The following C3orf18 variants were observed in gnomAD, a reference collection of about 807,000 sequenced individuals.
C3orf18 encodes chromosome 3 open reading frame 18, also known as uncharacterized protein C3orf18.
C3orf18 carries 12 observed loss-of-function variants against 14.1 expected under a neutral mutation model. That is an observed-to-expected ratio of 0.85 (90% CI 0.55 to 1.38). C3orf18 has a LOEUF of 1.38. Among genes scored for constraint, C3orf18 ranks in the 40% most tolerant of loss-of-function variants. C3orf18 has a pLI of 0.00. For synonymous variants in C3orf18, 82 were observed against 87.9 expected (o/e 0.93, Z 0.38); for missense variants, 196 against 213.9 (o/e 0.92, Z 0.52).
upstream of C3orf18, chr3:50,571,370 G>A: frequency 1.4e-6 from 2 of 1,457,038 alleles, no homozygotes; most frequent in South Asian, 2.6e-5. Flanking sequence ...GGAAGAGGGA[G>A]GAGGGAGGAC....
chr3:50,562,597 T>C (rs780029091), intron 3 of C3orf18: 2 of 455,504 alleles, frequency 4.4e-6, no homozygotes, highest in South Asian at 3.1e-5. Flanking sequence ...CTCTACAACA[T>C]GTAAAAAGAA....
At position 50,565,350 on chromosome 3, in the gene C3orf18, G is replaced by C. The variant is rs1700226239; in HGVS notation, c.234+116C>G. Reference sequence around the variant, plus strand: ...CCATTGCACTCCAGCCTGCATGACAGAGCAAGACTCTGTCTCAAAAACAAC... The same window carrying C: ...CCATTGCACTCCAGCCTGCATGACACAGCAAGACTCTGTCTCAAAAACAAC... On this transcript the variant is annotated intron_variant, in intron 3 of 5. Transcript: ENST00000357203. The surrounding 1 kb of genome is among the most constrained non-coding windows in gnomAD (Gnocchi z 4.4). 2.6e-5 allele frequency: 21 copies of C among 822,868 alleles called. No individual in the cohort carries two copies. The East Asian group carries it at 5.6e-4, about 22-fold the overall frequency. The allele number at this position is 822,868 out of a possible 1,614,324, so 51.0% of individuals were successfully genotyped here. A position where few individuals can be genotyped will look rare whatever the true frequency, so the allele number is the denominator to read the frequency against.
upstream of C3orf18, among the ~76,000 whole-genome samples, chr3:50,573,590 G>C (rs1378877812): frequency 2.0e-5 from 3 of 152,074 alleles, no homozygotes; most frequent in African/African-American, 7.2e-5. Flanking sequence ...TGCAAGGGGT[G>C]GGGTGAGGGG....
At chr3:50,574,371 G>A (rs1398977211), upstream of C3orf18, among the ~76,000 whole-genome samples, 1 of 152,212 alleles carries the variant, frequency 6.6e-6, no homozygotes, top group Non-Finnish European at 1.5e-5. Flanking sequence ...ACCAAGATGA[G>A]TTTCCGGTGC....
intron 4 of C3orf18, 66 bp from the exon 5 acceptor site, chr3:50,561,130 C>G (rs1475755501): frequency 1.9e-6 from 3 of 1,541,652 alleles, no homozygotes; most frequent in African/African-American, 2.7e-5. Context: ...GCCCTCCAGG[C>G]CCTGCCTCCT....
At position 50,559,107 on chromosome 3, in the gene C3orf18, TCTC is replaced by T. The variant is rs1699819028; in HGVS notation, c.*547_*549del. 2 of 1,289,778 alleles carry T rather than the reference TCTC, an allele frequency of 1.6e-6. No individual in the cohort carries two copies. Among genetic ancestry groups the T allele is most frequent in the South Asian group, 1.2e-5 (1 of 81,028 alleles). The allele number at this position is 1,289,778 out of a possible 1,614,324, so 79.9% of individuals were successfully genotyped here. ...ATGGACCCTGGGTGTGAATTGCCCT[TCTC>T]CTGGCATCCTTGCATACTGGACAGT... On this transcript the variant is annotated 3_prime_UTR_variant, in exon 6 of 6. Coordinates refer to ENST00000357203, the MANE Select transcript of C3orf18 (RefSeq NM_016210.5).
chr3:50,564,800 C>T (rs116027252), intron 3 of C3orf18, among the ~76,000 whole-genome samples: 319 of 152,290 alleles, frequency 2.1e-3, no homozygotes, highest in Non-Finnish European at 3.9e-3. Flanking sequence ...TCCACATCAA[C>T]CACCTTTAAG....
At chr3:50,566,624 A>T (rs1700317460) in intron 1 of C3orf18, among the ~76,000 whole-genome samples, 1 of 151,642 alleles carries the variant, frequency 6.6e-6, no homozygotes, top group African/African-American at 2.4e-5. Flanking sequence ...GTGGAGGCTG[A>T]TGTGGAAAGA....
chr3:50,573,652 G>T (rs994301294), upstream of C3orf18, among the ~76,000 whole-genome samples: 2 of 152,228 alleles, frequency 1.3e-5, no homozygotes, highest in African/African-American at 4.8e-5. Flanking sequence ...AGACATTTCT[G>T]AGAACTCACC....
upstream of C3orf18, among the ~76,000 whole-genome samples, chr3:50,573,436 T>A (rs542351431): frequency 4.6e-5 from 7 of 152,276 alleles, no homozygotes; most frequent in South Asian, 1.5e-3. Flanking sequence ...CTTCCCAGGG[T>A]CAGGGCATGG....
In C3orf18 at chr3:50,558,955, G is replaced by C. The variant is rs773396261; in HGVS notation, c.*702C>G. On this transcript the variant is annotated 3_prime_UTR_variant, in exon 6 of 6. Coordinates refer to ENST00000357203, the MANE Select transcript of C3orf18 (RefSeq NM_016210.5). ...TGAGGCCTCTCGGCAGGTCTGGGGG[G>C]GCTGCATCCTTCCACTTCCATTCCC... 1.4e-5 allele frequency: 18 copies of C among 1,287,376 alleles called. No individual in the cohort carries two copies. In the East Asian group the frequency reaches 4.4e-4, roughly 32 times the overall value. The allele number at this position is 1,287,376 out of a possible 1,614,324, so 79.7% of individuals were successfully genotyped here.
intron 3 of C3orf18, 122 bp from the exon 4 acceptor site, chr3:50,561,869 G>T: frequency 1.1e-6 from 1 of 919,542 alleles, no homozygotes; most frequent in East Asian, 2.4e-5. Flanking sequence ...CCGTCCTAAT[G>T]ACACATACAC....
At chr3:50,564,807 T>C (rs1700187868) in intron 3 of C3orf18, among the ~76,000 whole-genome samples, 2 of 152,172 alleles carry the variant, frequency 1.3e-5, no homozygotes, top group Non-Finnish European at 2.9e-5. Context: ...CAACCACCTT[T>C]AAGCCTTTTC....
chr3:50,572,111 GCA>G, upstream of C3orf18: 1 of 1,613,908 alleles, frequency 6.2e-7, no homozygotes. Flanking sequence ...TGCCCCCTCT[GCA>G]GGATGCCGGT....
At chr3:50,570,993 C>T (rs997907535), upstream of C3orf18, 2 of 756,918 alleles carry the variant, frequency 2.6e-6, no homozygotes, top group African/African-American at 1.8e-5. Flanking sequence ...TGTGACCTCT[C>T]CATCTCCACC....
chr3:50,569,412 A>C (rs1181330087), upstream of C3orf18: 1 of 152,356 alleles, frequency 6.6e-6, no homozygotes, highest in Admixed American at 6.5e-5. Flanking sequence ...CAGCGATAGG[A>C]ACACTGAAGC....
upstream of C3orf18, among the ~76,000 whole-genome samples, chr3:50,573,264 C>G (rs901136966): frequency 2.0e-5 from 3 of 152,294 alleles, no homozygotes; most frequent in South Asian, 6.2e-4. Flanking sequence ...CTCAGAGCCC[C>G]ATCCCTCACA....
chr3:50,572,523 C>T (rs1174946209), upstream of C3orf18, among the ~76,000 whole-genome samples: 2 of 152,196 alleles, frequency 1.3e-5, no homozygotes, highest in Non-Finnish European at 2.9e-5. Flanking sequence ...CATGGCTCAC[C>T]CAACCCACAG....
rs144985331 is a variant in C3orf18, at chr3:50,561,021, C to T, written c.304G>A (p.Asp102Asn). 23 of 1,614,012 alleles carry T rather than the reference C, an allele frequency of 1.4e-5. No homozygotes were observed. Among genetic ancestry groups the T allele is most frequent in the Middle Eastern group, 1.6e-4 (1 of 6,080 alleles). The change falls in exon 5 of 6, where the codon GAC (aspartate) becomes AAC (asparagine). Residue 102 changes from aspartate (D) to asparagine (N), a missense_variant. Coordinates refer to ENST00000357203, the MANE Select transcript of C3orf18 (RefSeq NM_016210.5). ...AACTCATCTTGTTCCTCCGTGGGGT[C>T]GAAGTTGTACATGGGCATGAGCTGG... Reference protein sequence around the residue: ...RHQLMPMYNFDPTEEQDELEQ... With the variant: ...RHQLMPMYNFNPTEEQDELEQ...
Sources: allele counts gnomAD v4.1 joint callset (sites outside exome capture counted in the v4.1 genomes callset), GRCh38; gene constraint gnomAD v4.1.1; non-coding constraint Gnocchi (gnomAD v3.1); transcripts MANE v1.5; gene names NCBI Gene and HGNC (gene_info 2026-07-23, HGNC 2026-07-21).